The following PHF21A variants were observed in gnomAD, a reference collection of about 807,000 sequenced individuals.
PHF21A encodes PHD finger protein 21A.
A neutral mutation model predicts 82.5 loss-of-function variants in PHF21A; 11 were observed. The observed-to-expected ratio is 0.13, with a 90% CI of 0.08 to 0.22. The LOEUF is 0.22. Among genes scored for constraint, PHF21A ranks in the 10% least tolerant of loss-of-function variants. The pLI, the probability that PHF21A is intolerant of heterozygous loss-of-function variation, is 1.00. For missense variants in PHF21A, 579 were observed against 837.8 expected, an observed-to-expected ratio of 0.69 and a Z score of 3.81; for synonymous variants, 297 against 302.8, an observed-to-expected ratio of 0.98 and a Z score of 0.20.
intron 18 of PHF21A, chr11:45,934,434 C>A: frequency 1.8e-6 from 1 of 548,002 alleles, no homozygotes; most frequent in Non-Finnish European, 3.2e-6. Flanking sequence ...TGGGGGGTCC[C>A]AGGTCCCAGA....
At chr11:46,042,234 T>C (rs1382478555) in intron 6 of PHF21A, among the ~76,000 whole-genome samples, 2 of 152,150 alleles carry the variant, frequency 1.3e-5, no homozygotes, top group Non-Finnish European at 2.9e-5. Context: ...TGACAAAACA[T>C]ATTCCTCAAT....
chr11:46,025,605 TA>T (rs1447388795), intron 6 of PHF21A, among the ~76,000 whole-genome samples: 2 of 152,232 alleles, frequency 1.3e-5, no homozygotes, highest in East Asian at 3.8e-4. Context: ...TAATCTCATT[TA>T]AAAAATTTTC....
At chr11:45,962,130 G>A (rs1033899772) in intron 10 of PHF21A, among the ~76,000 whole-genome samples, 7 of 152,180 alleles carry the variant, frequency 4.6e-5, no homozygotes, top group African/African-American at 1.4e-4. Context: ...ACTGAGTTCC[G>A]TGAGGGTACG....
At chr11:46,077,199 C>A (rs1358448613) in intron 5 of PHF21A, among the ~76,000 whole-genome samples, 1 of 152,226 alleles carries the variant, frequency 6.6e-6, no homozygotes, top group Non-Finnish European at 1.5e-5. Flanking sequence ...TAAGTATGCA[C>A]ACACTACATG....
At chr11:45,967,886 G>C (rs1440394402) in intron 9 of PHF21A, among the ~76,000 whole-genome samples, 2 of 152,144 alleles carry the variant, frequency 1.3e-5, no homozygotes, top group Non-Finnish European at 1.5e-5. Context: ...CTGAAATAGA[G>C]AACACAGTAT....
intron 15 of PHF21A, among the ~76,000 whole-genome samples, chr11:45,940,879 T>C (rs1461870697): frequency 6.6e-6 from 1 of 152,194 alleles, no homozygotes; most frequent in East Asian, 1.9e-4. Context: ...GCGTTCACTT[T>C]CCTTTGCTCC....
chr11:46,066,870 T>C (rs1039009152), intron 6 of PHF21A, among the ~76,000 whole-genome samples: 2 of 152,184 alleles, frequency 1.3e-5, no homozygotes, highest in Non-Finnish European at 1.5e-5. Context: ...TTTTCAAGTA[T>C]AAATGACCAT....
At chr11:46,059,274 GTATGA>G (rs1160187408) in intron 6 of PHF21A, among the ~76,000 whole-genome samples, 1 of 152,074 alleles carries the variant, frequency 6.6e-6, no homozygotes, top group Non-Finnish European at 1.5e-5. Context: ...AATAAACCCT[GTATGA>G]TATAATACCC....
intron 6 of PHF21A, among the ~76,000 whole-genome samples, chr11:46,075,220 C>G (rs1321103619): frequency 6.6e-6 from 1 of 152,156 alleles, no homozygotes; most frequent in Non-Finnish European, 1.5e-5. Context: ...TATGTTAGTT[C>G]TCACAAACAA....
intron 1 of PHF21A, among the ~76,000 whole-genome samples, chr11:46,116,034 C>T (rs191058111): frequency 1.2e-3 from 180 of 152,220 alleles, no homozygotes; most frequent in African/African-American, 4.2e-3. Flanking sequence ...AGAATAGTCA[C>T]TTCTAAAATT....
intron 1 of PHF21A, among the ~76,000 whole-genome samples, chr11:46,102,130 A>G (rs1414654130): frequency 6.6e-6 from 1 of 152,120 alleles, no homozygotes; most frequent in African/African-American, 2.4e-5. Context: ...TGCTGGGATT[A>G]CAGGCGCGAG....
chr11:45,934,406 C>G (rs188297957), intron 18 of PHF21A, 181 bp from the exon 19 acceptor site: 85 of 465,548 alleles, frequency 1.8e-4, no homozygotes, highest in Middle Eastern at 6.2e-4. Flanking sequence ...AGGAACAGGG[C>G]GGGTGGAGTG....
chr11:45,947,255 G>A (rs184683899), intron 14 of PHF21A, among the ~76,000 whole-genome samples: 40 of 152,162 alleles, frequency 2.6e-4, no homozygotes, highest in Middle Eastern at 6.8e-3. Context: ...TGTCTTCTAG[G>A]GGCAAGGTCA....
At chr11:45,980,866 T>G (rs1419409631) in intron 6 of PHF21A, among the ~76,000 whole-genome samples, 1 of 152,216 alleles carries the variant, frequency 6.6e-6, no homozygotes, top group Non-Finnish European at 1.5e-5. Flanking sequence ...AGGACTTCTT[T>G]GCTGGGACAG....
At chr11:46,000,557 G>T (rs1390689893) in intron 6 of PHF21A, among the ~76,000 whole-genome samples, 3 of 152,144 alleles carry the variant, frequency 2.0e-5, no homozygotes, top group African/African-American at 7.2e-5. Context: ...ACTTAAAATT[G>T]ACCAATGATC....
chr11:46,089,400 TTATTAACATGAATCAA>T (rs2096896485), intron 3 of PHF21A, among the ~76,000 whole-genome samples: 1 of 152,134 alleles, frequency 6.6e-6, no homozygotes, highest in Non-Finnish European at 1.5e-5. Context: ...ACTTTAACAT[TTATTAACATGAATCAA>T]TACAAATGAC....
At chr11:46,078,496 T>C (rs1321512216) in intron 5 of PHF21A, among the ~76,000 whole-genome samples, 1 of 152,158 alleles carries the variant, frequency 6.6e-6, no homozygotes, top group Non-Finnish European at 1.5e-5. Context: ...AGGTAAGTTT[T>C]TAGGAAAACA....
rs547763105 is a variant in PHF21A at position 46,109,397 on chromosome 11, G to A, written c.-237+11538C>T. On this transcript the variant is annotated intron_variant, in intron 1 of 18. Coordinates refer to ENST00000676320, the MANE Select transcript of PHF21A (RefSeq NM_001352027.3). Reference sequence around the variant, plus strand: ...CAGATAAACCTAAGGTACAAAAACCGTTCACAACTTGTCAAACATTTAAAA... The same window carrying A: ...CAGATAAACCTAAGGTACAAAAACCATTCACAACTTGTCAAACATTTAAAA... Among the ~76,000 whole-genome samples the A allele has an allele frequency of 1.8e-4, 27 of 152,134 alleles. 1 individual carries two copies. The South Asian group carries it at 3.1e-3, about 18-fold the overall frequency.
intron 1 of PHF21A, among the ~76,000 whole-genome samples, chr11:46,107,613 AT>A (rs2097166652): frequency 6.6e-6 from 1 of 152,236 alleles, no homozygotes; most frequent in East Asian, 1.9e-4. Flanking sequence ...CAAGGAGTGT[AT>A]TCTAGGATTA....
Sources: allele counts gnomAD v4.1 joint callset (sites outside exome capture counted in the v4.1 genomes callset), GRCh38; gene constraint gnomAD v4.1.1; transcripts MANE v1.5; gene names NCBI Gene and HGNC (gene_info 2026-07-23, HGNC 2026-07-21).